Variants in TMEM248 observed in about 807,000 individuals in gnomAD.
TMEM248 encodes UPF0458 protein C7orf42.
TMEM248 carries 9 observed loss-of-function variants against 30.3 expected under a neutral mutation model. That is an observed-to-expected ratio of 0.30 (90% CI 0.18 to 0.52). The LOEUF (loss-of-function observed/expected upper bound fraction) is 0.52. Among genes scored for constraint, TMEM248 ranks in the 20% least tolerant of loss-of-function variants. TMEM248 has a pLI of 0.97. For synonymous variants in TMEM248, 184 were observed against 154.4 expected (o/e 1.19, Z -1.42); for missense variants, 338 against 403.3 (o/e 0.84, Z 1.39).
chr7:66,934,221 A>G (rs1277763323), intron 1 of TMEM248, among the ~76,000 whole-genome samples: 1 of 151,514 alleles, frequency 6.6e-6, no homozygotes. Flanking sequence ...TTATTTTGAG[A>G]TGGACTTTTG....
In TMEM248 at chr7:66,942,024, G is replaced by A; in HGVS notation, c.159G>A (p.Glu53=). 1 of 1,613,770 alleles carries A rather than the reference G, an allele frequency of 6.2e-7. No homozygotes were observed. Among genetic ancestry groups the A allele is most frequent in the Non-Finnish European group, 8.5e-7 (1 of 1,179,786 alleles). The change falls in exon 2 of 7, where the codon GAG becomes GAA. Residue 53 remains glutamate, a splice_region_variant and synonymous_variant. Transcript: ENST00000341567. ...AGATTAAATCCCCAGAAATGGCAGA[G>A]GTATAGTATGCTCTGACTTCTCCCG... is the stretch of plus-strand genomic sequence containing the variant. The part of the protein sequence containing the change: ...IKEIKSPEMA[E]DWNTFLLRFN...
intron 1 of TMEM248, among the ~76,000 whole-genome samples, chr7:66,925,694 C>CTTT (rs762948450): frequency 7.3e-6 from 1 of 137,812 alleles, no homozygotes; most frequent in Non-Finnish European, 1.6e-5. Context: ...GTAGTTTTTT[C>CTTT]TTTTTTTTTT....
chr7:66,927,629 T>TG (rs1791559228), intron 1 of TMEM248, among the ~76,000 whole-genome samples: 1 of 148,040 alleles, frequency 6.8e-6, no homozygotes, highest in Non-Finnish European at 1.5e-5. Flanking sequence ...GTTTTGTTTT[T>TG]TTTTTTTTTT....
At chr7:66,935,772 G>A (rs1791786199) in intron 1 of TMEM248, among the ~76,000 whole-genome samples, 1 of 151,982 alleles carries the variant, frequency 6.6e-6, no homozygotes, top group Admixed American at 6.6e-5. Flanking sequence ...TCGAACTCCT[G>A]GCTTCAAGTG....
chr7:66,927,193 C>G, intron 1 of TMEM248, among the ~76,000 whole-genome samples: 1 of 151,586 alleles, frequency 6.6e-6, no homozygotes, highest in East Asian at 1.9e-4. Context: ...TTTTAAGAAG[C>G]GGGGGGGTTG....
At chr7:66,924,622 C>T (rs1279111440) in intron 1 of TMEM248, among the ~76,000 whole-genome samples, 6 of 151,136 alleles carry the variant, frequency 4.0e-5, no homozygotes, top group African/African-American at 7.3e-5. Context: ...TCAGGCTGGT[C>T]TCAAACTCCT....
intron 1 of TMEM248, among the ~76,000 whole-genome samples, chr7:66,937,110 G>A (rs1454360353): frequency 6.6e-6 from 1 of 151,904 alleles, no homozygotes; most frequent in Non-Finnish European, 1.5e-5. Context: ...TTGGTATGTT[G>A]TGTTTTCATT....
In TMEM248 at chr7:66,951,126, T is replaced by A; in HGVS notation, c.771T>A (p.Ile257=). The part of the protein sequence containing the change: ...YHALNPKLTV[I]VPDDDRSLIN... ...CTTTAAATCCCAAGCTTACAGTGAT[T>A]GTTCCAGATGTAAGTGAGAAAAATT... is the stretch of plus-strand genomic sequence containing the variant. The change falls in exon 5 of 7, where the codon ATT becomes ATA. Residue 257 remains isoleucine (I), a synonymous_variant. Transcript: ENST00000341567. 1 of 1,580,412 alleles carries A rather than the reference T, an allele frequency of 6.3e-7. No homozygotes were observed. Among genetic ancestry groups the A allele is most frequent in the Non-Finnish European group, 8.6e-7 (1 of 1,163,546 alleles).
At chr7:66,941,769 C>T (rs916209679) in intron 1 of TMEM248, 79 bp from the exon 2 acceptor site, 23 of 1,349,820 alleles carry the variant, frequency 1.7e-5, no homozygotes, top group Non-Finnish European at 2.1e-5. Context: ...CACCCCCCAA[C>T]ACCTCAAAAG....
intron 1 of TMEM248, among the ~76,000 whole-genome samples, chr7:66,925,703 T>TTTTTTC (rs1584393923): frequency 6.6e-6 from 1 of 151,770 alleles, no homozygotes; most frequent in East Asian, 1.9e-4. Flanking sequence ...TCTTTTTTTT[T>TTTTTTC]TTTTTGGAGA....
rs1208518040 is a variant in TMEM248 at position 66,956,515 on chromosome 7, CT to C, written c.*997del. ...TTTAAAGAGTGGGTGGATTTTCTCC[CT>C]TTTGTTTTGCTTTTATTTTCATGCT... On this transcript the variant is annotated 3_prime_UTR_variant, in exon 7 of 7. Coordinates refer to ENST00000341567, the MANE Select transcript of TMEM248 (RefSeq NM_017994.5). The C allele has an allele frequency of 6.6e-6, 1 of 151,976 alleles. No individual in the cohort carries two copies. The highest frequency in any genetic ancestry group is 1.9e-4 in the East Asian group (1 of 5,196). 9.4% of individuals were successfully genotyped at this position (151,976 alleles called of 1,614,324 possible).
intron 2 of TMEM248, among the ~76,000 whole-genome samples, chr7:66,944,675 A>AT (rs916899253): frequency 6.6e-6 from 1 of 152,196 alleles, no homozygotes; most frequent in Non-Finnish European, 1.5e-5. Context: ...CTCTAAGTGT[A>AT]ATATGCTGGA....
At chr7:66,921,613 G>T (rs1270141499) in intron 1 of TMEM248, among the ~76,000 whole-genome samples, 152 bp downstream of exon 1, 1 of 152,178 alleles carries the variant, frequency 6.6e-6, no homozygotes, top group Non-Finnish European at 1.5e-5. Context: ...TGCTGGCGGG[G>T]GTCGCCCAGC....
chr7:66,936,261 C>G (rs1321447741), intron 1 of TMEM248, among the ~76,000 whole-genome samples: 3 of 152,134 alleles, frequency 2.0e-5, no homozygotes, highest in Non-Finnish European at 4.4e-5. Context: ...GGGTTTGTAT[C>G]ATGAAGAGAT....
chr7:66,953,939 CTTT>C (rs34925648), intron 6 of TMEM248, among the ~76,000 whole-genome samples: 922 of 83,964 alleles, frequency 0.011, 13 homozygotes, highest in East Asian at 0.1. Flanking sequence ...AGATTACTTT[CTTT>C]TTTTTTTTTT....
rs766567710 is a variant in TMEM248, at chr7:66,948,702, T to C, written c.596+8T>C. 1.3e-6 allele frequency: 2 copies of C among 1,596,014 alleles called. No homozygotes were observed. The highest frequency in any genetic ancestry group is 3.4e-5 in the Admixed American group (2 of 59,488). Reference sequence around the variant, plus strand: ...GGTGTTCCCCGTCACTGTGTAAGTGTACCCGGCACCTGATGAACGTGCGTA... The same window carrying C: ...GGTGTTCCCCGTCACTGTGTAAGTGCACCCGGCACCTGATGAACGTGCGTA... On this transcript the variant is annotated splice_region_variant and intron_variant, in intron 4 of 6. Transcript: ENST00000341567.
rs113608882 is a variant in TMEM248 at position 66,946,415 on chromosome 7, T to TA, written c.445+1159dup. On this transcript the variant is annotated intron_variant, in intron 3 of 6. Coordinates refer to ENST00000341567, the MANE Select transcript of TMEM248 (RefSeq NM_017994.5). ...CAACATGGTGAAACCCCATCTCTAC[T>TA]AAAAATGCAAAAAAATTAGCCAGGC... 1.3e-3 allele frequency among the ~76,000 whole-genome samples: 192 copies of TA among 151,604 alleles called. 1 individual carries two copies. Among genetic ancestry groups the TA allele is most frequent in the African/African-American group, 4.5e-3 (185 of 41,336 alleles).
chr7:66,942,549 G>A (rs923165188), intron 2 of TMEM248, among the ~76,000 whole-genome samples: 7 of 152,174 alleles, frequency 4.6e-5, no homozygotes, highest in African/African-American at 1.7e-4. Flanking sequence ...AGTCTGGAGT[G>A]CAGTGGCGTA....
chr7:66,922,433 C>T lies in TMEM248; in HGVS notation c.-19+972C>T, dbSNP rs746794964. Among the ~76,000 whole-genome samples the T allele has an allele frequency of 2.6e-5, 4 of 152,156 alleles. 1 individual carries two copies. Among genetic ancestry groups the T allele is most frequent in the Non-Finnish European group, 1.5e-5 (1 of 68,022 alleles). Reference sequence around the variant, plus strand: ...AGGGTGTCCATCTACTTCCTCTTTTCATCTAGGGATTCTGACAGGAAATAG... The same window carrying T: ...AGGGTGTCCATCTACTTCCTCTTTTTATCTAGGGATTCTGACAGGAAATAG... On this transcript the variant is annotated intron_variant, in intron 1 of 6. Coordinates refer to ENST00000341567, the MANE Select transcript of TMEM248 (RefSeq NM_017994.5).
Sources: allele counts gnomAD v4.1 joint callset (sites outside exome capture counted in the v4.1 genomes callset), GRCh38; gene constraint gnomAD v4.1.1; transcripts MANE v1.5; gene names NCBI Gene and HGNC (gene_info 2026-07-23, HGNC 2026-07-21).